The following GPR143 variants were observed in gnomAD, a reference collection of about 807,000 sequenced individuals.
GPR143 encodes G-protein coupled receptor 143.
GPR143 carries 8 observed loss-of-function variants against 27.6 expected under a neutral mutation model. That is an observed-to-expected ratio of 0.29 (90% CI 0.17 to 0.52). GPR143 has a LOEUF of 0.52. Among genes scored for constraint, GPR143 ranks in the 20% least tolerant of loss-of-function variants. GPR143 has a pLI of 0.96. For synonymous variants in GPR143, 156 were observed against 153.2 expected, an observed-to-expected ratio of 1.02 and a Z score of -0.13; for missense variants, 303 against 343.1, an observed-to-expected ratio of 0.88 and a Z score of 0.92.
At chrX:9,774,281 T>A (rs1236074452) in intron 1 of GPR143, among the ~76,000 whole-genome samples, 1 of 112,924 alleles carries the variant, frequency 8.9e-6, no homozygotes, top group Non-Finnish European at 1.9e-5. Context: ...CCTGGCAGGA[T>A]TCAGTCCCTT....
upstream of GPR143, among the ~76,000 whole-genome samples, chrX:9,767,108 GC>G (rs2083538029): frequency 9.1e-6 from 1 of 110,278 alleles, no homozygotes; most frequent in Admixed American, 9.7e-5. Flanking sequence ...TGAAAATCTT[GC>G]TTTATTCTAT....
intron 7 of GPR143, 54 bp from the exon 8 acceptor site, chrX:9,739,773 G>A (rs968984180): frequency 3.6e-6 from 3 of 827,989 alleles, no homozygotes; most frequent in Non-Finnish European, 5.3e-6. Context: ...GCAGAAGTCA[G>A]AGCCCTGGGC....
Position 9,765,644 on chromosome X carries a change from C to T in GPR143, c.174G>A (p.Gly58=). The part of the protein sequence containing the change: ...LLPGRRPAGP[G]SPATSPPASV... ...AGGCCGGCGGGGACGTCGCGGGGGA[C>T]CCGGGGCCCGCGGGCCGGCGGCCGG... is the stretch of plus-strand genomic sequence containing the variant. Residue 58 remains glycine (G), a synonymous_variant, in exon 1 of 9, where the codon GGG becomes GGA. Coordinates refer to ENST00000467482, the MANE Select transcript of GPR143 (RefSeq NM_000273.3). 1.0e-6 allele frequency: 1 copy of T among 983,191 alleles called. No homozygotes were observed. Among genetic ancestry groups the T allele is most frequent in the Non-Finnish European group, 1.3e-6 (1 of 785,660 alleles). The allele number at this position is 983,191 out of a possible 1,213,427, so 81.0% of individuals were successfully genotyped here.
chrX:9,766,028 G>A (rs995110544), upstream of GPR143: 17 of 290,851 alleles, frequency 5.8e-5, no homozygotes, highest in African/African-American at 4.5e-4. Context: ...GCGGGCGGAG[G>A]AGGAGGACAG....
At chrX:9,746,439 A>G (rs1426407794) in intron 4 of GPR143, among the ~76,000 whole-genome samples, 1 of 110,551 alleles carries the variant, frequency 9.0e-6, no homozygotes, top group Non-Finnish European at 1.9e-5. Context: ...AAGATCGGAA[A>G]GAAAAACACC....
At chrX:9,771,334 T>C (rs1463035091) in intron 1 of GPR143, among the ~76,000 whole-genome samples, 1 of 111,561 alleles carries the variant, frequency 9.0e-6, no homozygotes. Context: ...GTGCCGAAAT[T>C]ACAGGCCTGA....
chrX:9,765,441 C>T (rs1343719714), intron 1 of GPR143, 127 bp downstream of exon 1: 125 of 684,393 alleles, frequency 1.8e-4, no homozygotes, highest in Non-Finnish European at 2.2e-4. Context: ...CACTCCATCA[C>T]GGAACAGGTC....
chrX:9,756,593 A>G (rs767955667), intron 3 of GPR143, among the ~76,000 whole-genome samples: 1 of 112,548 alleles, frequency 8.9e-6, no homozygotes, highest in African/African-American at 3.2e-5. Context: ...GTGAATAGAT[A>G]TTTCTCTAAG....
chrX:9,754,022 G>A (rs60482608), intron 3 of GPR143, among the ~76,000 whole-genome samples: 3 of 111,639 alleles, frequency 2.7e-5, no homozygotes, highest in African/African-American at 6.5e-5. Context: ...AAGCTCTGCA[G>A]AGCTGACTGG....
intron 8 of GPR143, among the ~76,000 whole-genome samples, chrX:9,737,341 C>T (rs948501537): frequency 6.3e-5 from 7 of 111,471 alleles, no homozygotes; most frequent in Non-Finnish European, 1.1e-4. Context: ...ATAAATAAAA[C>T]AAAGAATAGG....
At chrX:9,771,446 G>A (rs755256294) in intron 1 of GPR143, among the ~76,000 whole-genome samples, 3 of 110,809 alleles carry the variant, frequency 2.7e-5, no homozygotes, top group East Asian at 2.8e-4. Flanking sequence ...CTGTGCATTC[G>A]CGTGCAGATC....
intron 8 of GPR143, among the ~76,000 whole-genome samples, chrX:9,735,635 G>C (rs976514762): frequency 9.0e-6 from 1 of 111,590 alleles, no homozygotes; most frequent in Admixed American, 9.6e-5. Context: ...CACCCATCCC[G>C]GCTAAAATGG....
At chrX:9,774,389 A>G (rs1333396661) in intron 1 of GPR143, among the ~76,000 whole-genome samples, 1 of 111,889 alleles carries the variant, frequency 8.9e-6, no homozygotes, top group Non-Finnish European at 1.9e-5. Flanking sequence ...TCAGCGAGAA[A>G]GAGTCCACCA....
intron 8 of GPR143, among the ~76,000 whole-genome samples, chrX:9,730,867 T>C (rs768420860): frequency 2.4e-4 from 27 of 111,701 alleles, no homozygotes; most frequent in Non-Finnish European, 4.5e-4. Context: ...TACTCCTGCC[T>C]TCCCTACCTT....
upstream of GPR143, chrX:9,765,924 C>T (rs1274804525): frequency 5.0e-6 from 4 of 796,294 alleles, no homozygotes; most frequent in African/African-American, 4.4e-5. Context: ...GGCCTCTCCC[C>T]CACCCCAACC....
intron 8 of GPR143, among the ~76,000 whole-genome samples, chrX:9,735,578 T>A (rs937574198): frequency 9.0e-6 from 1 of 111,458 alleles, no homozygotes; most frequent in Admixed American, 9.6e-5. Flanking sequence ...AACAGTATTG[T>A]CCTTACTTAC....
intron 3 of GPR143, among the ~76,000 whole-genome samples, chrX:9,755,710 G>A (rs1334600003): frequency 9.0e-6 from 1 of 111,403 alleles, no homozygotes; most frequent in East Asian, 2.8e-4. Context: ...TCACACGATA[G>A]GATAGTGACG....
chrX:9,746,092 G>A lies in GPR143; in HGVS notation c.610C>T (p.Leu204=). 1 of 1,203,778 alleles carries A rather than the reference G, an allele frequency of 8.3e-7. No homozygotes were observed. ...AGGATGGGGTTCGCCACGAGAACCA[G>A]CAGCAGGGGCAGGTACATGGTGACA... The part of the protein sequence containing the change: ...HYVTMYLPLL[L]VLVANPILFQ... Residue 204 remains leucine (L), a synonymous_variant, in exon 5 of 9, where the codon CTG becomes TTG. Transcript: ENST00000467482.
At chrX:9,746,541 T>C (rs1313658846) in intron 4 of GPR143, among the ~76,000 whole-genome samples, 1 of 111,135 alleles carries the variant, frequency 9.0e-6, no homozygotes, top group African/African-American at 3.3e-5. Flanking sequence ...AGGTTTTGAG[T>C]ACTTACTACA....
Sources: gnomAD v4.1 joint callset for allele counts (sites outside exome capture counted in the v4.1 genomes callset) on GRCh38, gnomAD v4.1.1 for gene constraint, MANE v1.5 for transcripts, NCBI Gene and HGNC (gene_info 2026-07-23, HGNC 2026-07-21) for gene names.